Variants in MAML2 observed in about 807,000 individuals in gnomAD.
The protein encoded by MAML2 is mastermind-like protein 2.
Under a neutral mutation model 96.1 loss-of-function variants are expected in MAML2, and 22 were observed. That is an observed-to-expected ratio of 0.23 (90% CI 0.16 to 0.33). The LOEUF is 0.33. Among genes scored for constraint, MAML2 ranks in the 10% least tolerant of loss-of-function variants. MAML2 has a pLI of 1.00. For missense variants in MAML2, 1,367 were observed against 1,392.4 expected, an observed-to-expected ratio of 0.98 and a Z score of 0.29; for synonymous variants, 561 against 521.3, an observed-to-expected ratio of 1.08 and a Z score of -1.04.
At position 95,979,188 on chromosome 11, in the gene MAML2, G is replaced by A; in HGVS notation, c.3231C>T (p.Asn1077=). The A allele has an allele frequency of 1.2e-6, 2 of 1,613,990 alleles. No homozygotes were observed. The highest frequency in any genetic ancestry group is 1.1e-5 in the South Asian group (1 of 91,078). Reference sequence around the variant, plus strand: ...TGCTGGGCGTCAGGGATGGTGGCTGGTTGATGCCCGTCCTCGACTGATTCA... The same window carrying A: ...TGCTGGGCGTCAGGGATGGTGGCTGATTGATGCCCGTCCTCGACTGATTCA... The part of the protein sequence containing the change: ...TGLNQSRTGI[N]QPPSLTPSNF... Residue 1077 remains asparagine, a synonymous_variant, in exon 5 of 5, where the codon AAC becomes AAT. Coordinates refer to ENST00000524717, the MANE Select transcript of MAML2 (RefSeq NM_032427.4).
chr11:96,241,193 A>G (rs532412497), intron 1 of MAML2, among the ~76,000 whole-genome samples: 5 of 152,360 alleles, frequency 3.3e-5, no homozygotes, highest in Admixed American at 6.5e-5. Context: ...TCTGCCACAC[A>G]GTAGTACCAT....
chr11:96,072,588 C>T (rs983864541), intron 2 of MAML2, among the ~76,000 whole-genome samples: 2 of 152,152 alleles, frequency 1.3e-5, no homozygotes, highest in Non-Finnish European at 2.9e-5. Context: ...TTTGCATCAA[C>T]GGACAGGGTG....
chr11:96,074,179 T>C lies in MAML2; in HGVS notation c.2139+17713A>G, dbSNP rs183214580. On this transcript the variant is annotated intron_variant, in intron 2 of 4. Transcript: ENST00000524717. ...AAAGTCTGAGGACCACTCAACTGACTATCCATTTCATTGTATTTTTAGGGA... is the reference window on the plus strand; with the variant it reads ...AAAGTCTGAGGACCACTCAACTGACCATCCATTTCATTGTATTTTTAGGGA... Among the ~76,000 whole-genome samples the C allele has an allele frequency of 1.1e-4, 17 of 152,336 alleles. No individual in the cohort carries two copies. In the South Asian group the frequency reaches 1.9e-3, roughly 17 times the overall value.
At chr11:96,309,639 T>C (rs1261198812) in intron 1 of MAML2, among the ~76,000 whole-genome samples, 1 of 152,126 alleles carries the variant, frequency 6.6e-6, no homozygotes, top group Non-Finnish European at 1.5e-5. Context: ...ATGGTAGAGC[T>C]TGGATTCTAG....
chr11:96,124,629 TATC>T (rs1237609442), intron 1 of MAML2, among the ~76,000 whole-genome samples: 3 of 152,084 alleles, frequency 2.0e-5, no homozygotes, highest in African/African-American at 7.2e-5. Flanking sequence ...TCCTTCTCCT[TATC>T]ATCATCATCA....
chr11:96,310,042 T>C (rs1437037362), intron 1 of MAML2, among the ~76,000 whole-genome samples: 1 of 152,112 alleles, frequency 6.6e-6, no homozygotes, highest in African/African-American at 2.4e-5. Flanking sequence ...AAAATGTATA[T>C]GATGACATAT....
chr11:96,132,285 G>T (rs972978084), intron 1 of MAML2, among the ~76,000 whole-genome samples: 3 of 152,120 alleles, frequency 2.0e-5, no homozygotes, highest in African/African-American at 7.2e-5. Flanking sequence ...CAACAAATAA[G>T]TTATTAAGGA....
At chr11:96,069,668 C>T (rs1317667870) in intron 2 of MAML2, among the ~76,000 whole-genome samples, 1 of 151,836 alleles carries the variant, frequency 6.6e-6, no homozygotes, top group African/African-American at 2.4e-5. Context: ...GAGAATGAGT[C>T]CCTATCTCAA....
chr11:96,264,531 A>G (rs919688705), intron 1 of MAML2, among the ~76,000 whole-genome samples: 5 of 152,230 alleles, frequency 3.3e-5, no homozygotes, highest in Admixed American at 1.3e-4. Context: ...AATGTGTTCT[A>G]TTAGGAGTCA....
chr11:96,209,913 G>A (rs1861946035), intron 1 of MAML2, among the ~76,000 whole-genome samples: 1 of 152,098 alleles, frequency 6.6e-6, no homozygotes, highest in South Asian at 2.1e-4. Context: ...TATATTAGTG[G>A]TCATTTCTGG....
At chr11:95,997,010 T>C (rs1278275974) in intron 2 of MAML2, among the ~76,000 whole-genome samples, 1 of 152,172 alleles carries the variant, frequency 6.6e-6, no homozygotes, top group Non-Finnish European at 1.5e-5. Flanking sequence ...AATTAGGCTA[T>C]TTCCATCTAG....
intron 1 of MAML2, among the ~76,000 whole-genome samples, chr11:96,338,740 AG>A (rs771931691): frequency 6.6e-6 from 1 of 152,254 alleles, no homozygotes; most frequent in Non-Finnish European, 1.5e-5. Flanking sequence ...TAACTATTAA[AG>A]TTATACATTC....
intron 1 of MAML2, among the ~76,000 whole-genome samples, chr11:96,177,616 A>G (rs1861407491): frequency 6.6e-6 from 1 of 152,208 alleles, no homozygotes; most frequent in Admixed American, 6.5e-5. Context: ...ACCTAGAAAT[A>G]TACTCTTTTT....
intron 2 of MAML2, among the ~76,000 whole-genome samples, chr11:96,015,859 G>A (rs1366979506): frequency 6.6e-6 from 1 of 152,144 alleles, no homozygotes; most frequent in African/African-American, 2.4e-5. Flanking sequence ...GAATGCATAT[G>A]AGGTGCTTCA....
chr11:96,134,446 T>C (rs144627223), intron 1 of MAML2, among the ~76,000 whole-genome samples: 1 of 152,338 alleles, frequency 6.6e-6, no homozygotes, highest in Non-Finnish European at 1.5e-5. Flanking sequence ...GCTTTCCTCC[T>C]TATACAACAT....
At chr11:96,206,112 A>G in intron 1 of MAML2, among the ~76,000 whole-genome samples, 1 of 152,028 alleles carries the variant, frequency 6.6e-6, no homozygotes, top group Non-Finnish European at 1.5e-5. Flanking sequence ...AAGCAATAGA[A>G]GTTTTTATGT....
chr11:96,199,888 C>G (rs1861792871), intron 1 of MAML2, among the ~76,000 whole-genome samples: 2 of 152,172 alleles, frequency 1.3e-5, no homozygotes, highest in African/African-American at 4.8e-5. Context: ...AAAAGTCCCT[C>G]TATATTTTAT....
chr11:96,181,389 C>G (rs193041119), intron 1 of MAML2, among the ~76,000 whole-genome samples: 1 of 148,646 alleles, frequency 6.7e-6, no homozygotes, highest in Non-Finnish European at 1.5e-5. Context: ...GTTGGCTCTC[C>G]AGATCGAGAC....
intron 1 of MAML2, among the ~76,000 whole-genome samples, chr11:96,281,208 T>A (rs1863059015): frequency 6.6e-6 from 1 of 152,148 alleles, no homozygotes. Context: ...CAGAAGAACA[T>A]GGGAGCTGTA....
Sources: gnomAD v4.1 joint callset for allele counts (sites outside exome capture counted in the v4.1 genomes callset) on GRCh38, gnomAD v4.1.1 for gene constraint, MANE v1.5 for transcripts, NCBI Gene and HGNC (gene_info 2026-07-23, HGNC 2026-07-21) for gene names.